The following SNX29 variants were observed in gnomAD, a reference collection of about 807,000 sequenced individuals.
SNX29 encodes sorting nexin 29.
In SNX29, 78 loss-of-function variants were observed where a neutral mutation model predicts 102.1. The ratio of observed to expected loss-of-function variants is 0.76; its 90% confidence interval spans 0.64 to 0.92. SNX29 has a LOEUF of 0.92. Ranked by LOEUF, SNX29 falls within the 40% of genes least tolerant of loss-of-function variation. The pLI, the probability that SNX29 is intolerant of heterozygous loss-of-function variation, is 0.00. For synonymous variants in SNX29, 580 were observed against 414.5 expected, an observed-to-expected ratio of 1.40 and a Z score of -4.85; for missense variants, 1,280 against 1,061.7, an observed-to-expected ratio of 1.21 and a Z score of -2.86.
intron 18 of SNX29, among the ~76,000 whole-genome samples, chr16:12,465,851 A>C (rs890067353): frequency 6.7e-6 from 1 of 148,730 alleles, no homozygotes; most frequent in African/African-American, 2.5e-5. Context: ...TTTTTTTTTC[A>C]GTTTATTTCA....
intron 10 of SNX29, 144 bp from the exon 11 acceptor site, chr16:12,078,689 C>T (rs531757029): frequency 4.2e-5 from 30 of 711,250 alleles, no homozygotes; most frequent in African/African-American, 3.5e-4. Flanking sequence ...CTGCAGATAA[C>T]GAGGCCTGAC....
At chr16:12,360,405 A>T (rs561745649) in intron 16 of SNX29, among the ~76,000 whole-genome samples, 2 of 152,194 alleles carry the variant, frequency 1.3e-5, no homozygotes, top group East Asian at 1.9e-4. Flanking sequence ...GCTAATTGCA[A>T]TCCTATGGTG....
chr16:12,063,528 C>G (rs539183040), intron 9 of SNX29, among the ~76,000 whole-genome samples: 1 of 152,062 alleles, frequency 6.6e-6, no homozygotes, highest in African/African-American at 2.4e-5. Flanking sequence ...GCATGCACCA[C>G]CATGCCCGGC....
chr16:12,271,708 C>T (rs533235886), intron 14 of SNX29, among the ~76,000 whole-genome samples: 57 of 151,974 alleles, frequency 3.8e-4, no homozygotes, highest in African/African-American at 1.3e-3. Flanking sequence ...CTGCAACCTC[C>T]GCCTCCTGGG....
chr16:12,195,098 G>T (rs2076741309), intron 13 of SNX29, among the ~76,000 whole-genome samples: 1 of 152,158 alleles, frequency 6.6e-6, no homozygotes, highest in African/African-American at 2.4e-5. Flanking sequence ...GATATAAGGG[G>T]TTAGAGTAAA....
rs534463506 is a variant in SNX29, at chr16:11,983,629, G to A, written c.7+6816G>A. 7.1e-5 allele frequency: 70 copies of A among 985,322 alleles called. No individual in the cohort carries two copies. In the South Asian group the frequency reaches 2.8e-3, roughly 40 times the overall value. The allele number at this position is 985,322 out of a possible 1,614,324, so 61.0% of individuals were successfully genotyped here. ...CATGTTCTACCATCAGCAAACAGTT[G>A]ACCCCCACCTCTGCTAGCAACTGGC... On this transcript the variant is annotated intron_variant, in intron 1 of 20. Transcript: ENST00000566228.
At chr16:12,183,756 C>G (rs1289872185) in intron 13 of SNX29, among the ~76,000 whole-genome samples, 3 of 152,132 alleles carry the variant, frequency 2.0e-5, no homozygotes, top group Non-Finnish European at 4.4e-5. Context: ...GATAGGAGGT[C>G]GGCACAAGAT....
intron 20 of SNX29, among the ~76,000 whole-genome samples, chr16:12,540,042 C>G (rs1297962915): frequency 6.6e-6 from 1 of 152,128 alleles, no homozygotes; most frequent in African/African-American, 2.4e-5. Flanking sequence ...ATGAAATTTA[C>G]TTTTTGTGTC....
intron 19 of SNX29, among the ~76,000 whole-genome samples, chr16:12,494,263 G>A (rs1054920865): frequency 1.3e-5 from 2 of 152,128 alleles, no homozygotes; most frequent in Non-Finnish European, 2.9e-5. Flanking sequence ...CCATCTCTGC[G>A]TCCTCCCTGT....
chr16:12,080,340 G>A (rs1170697594), intron 11 of SNX29, among the ~76,000 whole-genome samples: 3 of 152,192 alleles, frequency 2.0e-5, no homozygotes, highest in South Asian at 2.1e-4. Context: ...GCGTGGGAAC[G>A]GCTGGCCGCA....
chr16:12,156,713 C>G (rs1233079580), intron 13 of SNX29, among the ~76,000 whole-genome samples: 1 of 152,224 alleles, frequency 6.6e-6, no homozygotes. Flanking sequence ...AGGTCCTTAG[C>G]AAATGGCTGT....
intron 19 of SNX29, among the ~76,000 whole-genome samples, chr16:12,481,591 G>C (rs1202276740): frequency 6.6e-6 from 1 of 151,332 alleles, no homozygotes; most frequent in East Asian, 1.9e-4. Flanking sequence ...GTGGAGTGCA[G>C]TGGCACAATT....
At chr16:12,549,222 A>G (rs2077806135) in intron 20 of SNX29, among the ~76,000 whole-genome samples, 1 of 152,184 alleles carries the variant, frequency 6.6e-6, no homozygotes, top group Admixed American at 6.5e-5. Flanking sequence ...TCTGCCAGCC[A>G]TGGTGGCTCA....
chr16:12,196,062 A>C (rs1596479078), intron 13 of SNX29, among the ~76,000 whole-genome samples: 1 of 123,840 alleles, frequency 8.1e-6, no homozygotes, highest in Non-Finnish European at 1.6e-5. Context: ...TGCAACCTCC[A>C]CCTCCCCGGC....
chr16:12,306,901 A>G (rs1043937761), intron 15 of SNX29, among the ~76,000 whole-genome samples: 1 of 152,124 alleles, frequency 6.6e-6, no homozygotes. Flanking sequence ...GGTTTGCCAT[A>G]AGAGAGGGCT....
chr16:12,047,242 G>A lies in SNX29; in HGVS notation c.499+788G>A, dbSNP rs112618491. Reference sequence around the variant, plus strand: ...GAGAGACCCTGGGTTGATGTTAGTCGGTGGACTGTTACGTTGTTCGCCCTT... The same window carrying A: ...GAGAGACCCTGGGTTGATGTTAGTCAGTGGACTGTTACGTTGTTCGCCCTT... On this transcript the variant is annotated intron_variant, in intron 6 of 20. Transcript: ENST00000566228. Among the ~76,000 whole-genome samples, 688 of 152,264 alleles carry A rather than the reference G, an allele frequency of 4.5e-3. 12 individuals are homozygous for A. Among genetic ancestry groups the A allele is most frequent in the African/African-American group, 0.016 (656 of 41,544 alleles).
At chr16:12,558,560 C>G (rs543788629) in intron 20 of SNX29, among the ~76,000 whole-genome samples, 1 of 152,208 alleles carries the variant, frequency 6.6e-6, no homozygotes, top group Non-Finnish European at 1.5e-5. Flanking sequence ...CCTCTCAGTA[C>G]CCCGTCCATG....
intron 3 of SNX29, among the ~76,000 whole-genome samples, chr16:12,013,853 G>A (rs2056760552): frequency 6.6e-6 from 1 of 151,604 alleles, no homozygotes; most frequent in African/African-American, 2.4e-5. Flanking sequence ...GTTTCACCGT[G>A]TTGCCCAGGC....
At chr16:12,364,685 C>G (rs888003916) in intron 16 of SNX29, among the ~76,000 whole-genome samples, 1 of 152,162 alleles carries the variant, frequency 6.6e-6, no homozygotes, top group Non-Finnish European at 1.5e-5. Flanking sequence ...ATGGTGGATG[C>G]AAACACGAGC....
Sources: allele counts gnomAD v4.1 joint callset (sites outside exome capture counted in the v4.1 genomes callset), GRCh38; gene constraint gnomAD v4.1.1; transcripts MANE v1.5; gene names NCBI Gene and HGNC (gene_info 2026-07-23, HGNC 2026-07-21).